ENG: variants seen among roughly 807,000 people sequenced by gnomAD.
ENG encodes the protein endoglin, also known as CD105 antigen.
In ENG, 17 loss-of-function variants were observed where a neutral mutation model predicts 71.0. That is an observed-to-expected ratio of 0.24 (90% CI 0.16 to 0.36). The LOEUF is 0.36. Among genes scored for constraint, ENG ranks in the 10% least tolerant of loss-of-function variants. The probability of loss-of-function intolerance (pLI) is 1.00; values close to 1 mark genes in which losing one functional copy is unlikely to be tolerated. For synonymous variants in ENG, 360 were observed against 366.9 expected (o/e 0.98, Z 0.21); for missense variants, 749 against 868.3 (o/e 0.86, Z 1.73).
chr9:127,825,522 TA>T (rs1345582804), intron 5 of ENG, among the ~76,000 whole-genome samples, 165 bp from the exon 6 acceptor site: 1 of 149,354 alleles, frequency 6.7e-6, no homozygotes, highest in Non-Finnish European at 1.5e-5. Context: ...AAGGGGCCCA[TA>T]GGGGGCGTAG....
chr9:127,851,893 G>GA (rs1191644081), intron 1 of ENG, among the ~76,000 whole-genome samples: 2 of 152,072 alleles, frequency 1.3e-5, no homozygotes, highest in Admixed American at 1.3e-4. Context: ...ATTTAAAAAA[G>GA]AAAGTGAAAG....
intron 3 of ENG, among the ~76,000 whole-genome samples, chr9:127,827,522 G>A (rs766020497): frequency 2.6e-5 from 4 of 152,178 alleles, no homozygotes; most frequent in Non-Finnish European, 5.9e-5. Context: ...GAAAGCTGAA[G>A]GATTCAGAGG....
At position 127,817,210 on chromosome 9, in the gene ENG, G is replaced by A. The variant is rs756527693; in HGVS notation, c.1687-7C>T. On this transcript the variant is annotated splice_region_variant and splice_polypyrimidine_tract_variant and intron_variant, in intron 12 of 14. Coordinates refer to ENST00000373203, the MANE Select transcript of ENG (RefSeq NM_001114753.3). ...AGACAGTCCTATGGACTTCCTGGAG[G>A]AGAAAGAGAGAGCAGTATGTGGCAC... 1.2e-6 allele frequency: 2 copies of A among 1,614,056 alleles called. No individual in the cohort carries two copies. Among genetic ancestry groups the A allele is most frequent in the Non-Finnish European group, 1.7e-6 (2 of 1,180,038 alleles).
intron 13 of ENG, 170 bp downstream of exon 13, chr9:127,816,979 C>G (rs1830336685): frequency 2.6e-6 from 2 of 768,888 alleles, no homozygotes; most frequent in Non-Finnish European, 4.4e-6. Context: ...GGCCCCTGCT[C>G]TAGGCTGCTA....
chr9:127,852,665 G>A (rs575418477), intron 1 of ENG, among the ~76,000 whole-genome samples: 2 of 152,090 alleles, frequency 1.3e-5, no homozygotes, highest in South Asian at 2.1e-4. Context: ...CTCTGCTCTC[G>A]GTGTGATCTG....
intron 8 of ENG, among the ~76,000 whole-genome samples, chr9:127,823,064 C>T (rs564616466): frequency 6.6e-6 from 1 of 152,086 alleles, no homozygotes; most frequent in South Asian, 2.1e-4. Context: ...TGGTCTCAAA[C>T]TCTTGAGCTC....
intron 14 of ENG, 41 bp from the exon 15 acceptor site, chr9:127,815,847 T>C (rs773680353): frequency 4.5e-6 from 7 of 1,550,232 alleles, no homozygotes; most frequent in Non-Finnish European, 6.1e-6. Context: ...GTCAGGGTCC[T>C]GGCCAGGGCC....
At chr9:127,821,223 GA>G (rs1830459711) in intron 8 of ENG, 1 of 152,124 alleles carries the variant, frequency 6.6e-6, no homozygotes, top group African/African-American at 2.4e-5. Context: ...CAGGAGGCCA[GA>G]AGTTCGAGAC....
chr9:127,841,727 T>G (rs1329094285), intron 2 of ENG, among the ~76,000 whole-genome samples: 1 of 152,160 alleles, frequency 6.6e-6, no homozygotes, highest in Non-Finnish European at 1.5e-5. Flanking sequence ...GAAGTCAGTA[T>G]CGGGACCAAA....
chr9:127,825,639 A>AG (rs35213656), intron 5 of ENG, 56 bp downstream of exon 5: 7 of 1,030,030 alleles, frequency 6.8e-6, no homozygotes, highest in Non-Finnish European at 8.6e-6. Context: ...GGGGGGGGTC[A>AG]GGGGGGTGGT....
intron 3 of ENG, among the ~76,000 whole-genome samples, chr9:127,829,395 C>G (rs1830704174): frequency 6.6e-6 from 1 of 152,208 alleles, no homozygotes; most frequent in South Asian, 2.1e-4. Flanking sequence ...AGTTGTCCCA[C>G]TGGACAGAGA....
At chr9:127,832,473 C>G (rs192144555) in intron 2 of ENG, among the ~76,000 whole-genome samples, 118 of 151,988 alleles carry the variant, frequency 7.8e-4, no homozygotes, top group Non-Finnish European at 1.3e-3. Context: ...GGCTGGGATT[C>G]GTGCCCAGGT....
intron 2 of ENG, among the ~76,000 whole-genome samples, chr9:127,837,698 T>C (rs139069891): frequency 6.6e-6 from 1 of 152,274 alleles, no homozygotes; most frequent in African/African-American, 2.4e-5. Flanking sequence ...TATAAGAATG[T>C]ACAGTTTTTC....
chr9:127,830,463 T>C (rs1317791987), intron 2 of ENG, among the ~76,000 whole-genome samples: 4 of 150,114 alleles, frequency 2.7e-5, no homozygotes, highest in Non-Finnish European at 4.4e-5. Context: ...TCCAACATGG[T>C]GAAACCCCGT....
Position 127,818,124 on chromosome 9 carries a change from T to G in ENG, c.1682A>C (p.Asp561Ala), listed in dbSNP as rs375965489. The change falls in exon 12 of 15, where the codon GAC (aspartate) becomes GCC (alanine). Residue 561 changes from aspartate to alanine, a missense_variant. Transcript: ENST00000373203. ...GCCGGCCCAGGCCCCACTCACCTGGTCTTGAGACCCGGTCTTGGGACGCAG... is the reference window on the plus strand; with the variant it reads ...GCCGGCCCAGGCCCCACTCACCTGGGCTTGAGACCCGGTCTTGGGACGCAG... Reference protein sequence around the residue: ...VALRPKTGSQDQEVHRTVFMR... With the variant: ...VALRPKTGSQAQEVHRTVFMR... 75 of 1,613,998 alleles carry G rather than the reference T, an allele frequency of 4.6e-5. No homozygotes were observed. The highest frequency in any genetic ancestry group is 6.2e-5 in the Non-Finnish European group (73 of 1,180,050).
chr9:127,825,414 A>C (rs1260184794), intron 5 of ENG, 57 bp from the exon 6 acceptor site: 1 of 1,600,218 alleles, frequency 6.2e-7, no homozygotes, highest in African/African-American at 1.3e-5. Context: ...GCGGGGAGCG[A>C]GGCCTGGCGT....
Position 127,826,429 on chromosome 9 carries a change from A to C in ENG, c.523+81T>G. 4 of 1,576,412 alleles carry C rather than the reference A, an allele frequency of 2.5e-6. No individual in the cohort carries two copies. In the Admixed American group the frequency reaches 5.2e-5, roughly 20 times the overall value. The stretch of plus-strand genomic sequence containing the variant: ...GTCCCCTCCTGCACTCTTGGTGCCC[A>C]AGTTTGAGGTGTGGGCCAGAGGAGC... On this transcript the variant is annotated intron_variant, in intron 4 of 14. Coordinates refer to ENST00000373203, the MANE Select transcript of ENG (RefSeq NM_001114753.3).
rs781201877 is a variant in ENG at position 127,817,188 on chromosome 9, C to T, written c.1702G>A (p.Val568Ile). ...CTGATGATGTTCAAGCGCATGAAGA[C>T]AGTCCTATGGACTTCCTGGAGGAGA... is the stretch of plus-strand genomic sequence containing the variant. The part of the protein sequence containing the change: ...GSQDQEVHRT[V>I]FMRLNIISPD... The change falls in exon 13 of 15, where the codon GTC (valine) becomes ATC (isoleucine). Residue 568 changes from valine (V) to isoleucine (I), a missense_variant. Physicochemically the swap from Val to Ile is conservative, Grantham distance 29. Transcript: ENST00000373203. The T allele has an allele frequency of 7.4e-6, 12 of 1,614,112 alleles. No homozygotes were observed. Among genetic ancestry groups the T allele is most frequent in the South Asian group, 2.2e-5 (2 of 91,092 alleles).
Position 127,843,094 on chromosome 9 carries a change from C to A in ENG, c.219G>T (p.Thr73=), listed in dbSNP as rs755348996. 1.2e-6 allele frequency: 2 copies of A among 1,614,020 alleles called. No individual in the cohort carries two copies. The highest frequency in any genetic ancestry group is 8.5e-7 in the Non-Finnish European group (1 of 1,179,954). ...CCCGACCCTGCCATGGGACACTCAC[C>A]GTTGGGAACTCCAGGAAGAGGACAT... The part of the protein sequence containing the change: ...EVHVLFLEFP[T]GPSQLELTLQ... Residue 73 remains threonine (T), a splice_region_variant and synonymous_variant, in exon 2 of 15, where the codon ACG becomes ACT. Transcript: ENST00000373203.
Sources: gnomAD v4.1 joint callset for allele counts (sites outside exome capture counted in the v4.1 genomes callset) on GRCh38, gnomAD v4.1.1 for gene constraint, MANE v1.5 for transcripts, NCBI Gene and HGNC (gene_info 2026-07-23, HGNC 2026-07-21) for gene names.